Variants in SEMA3A observed in about 807,000 individuals in gnomAD.
SEMA3A encodes the protein semaphorin-3A.
A neutral mutation model predicts 97.9 loss-of-function variants in SEMA3A; 29 were observed. That is an observed-to-expected ratio of 0.30 (90% CI 0.22 to 0.40). The LOEUF is 0.40. Ranked by LOEUF, SEMA3A falls within the 10% of genes least tolerant of loss-of-function variation. The probability of loss-of-function intolerance (pLI) is 1.00; values close to 1 mark genes in which losing one functional copy is unlikely to be tolerated. For missense variants in SEMA3A, 763 were observed against 951.3 expected (o/e 0.80, Z 2.60); for synonymous variants, 321 against 323.7 (o/e 0.99, Z 0.09).
At chr7:84,022,569 A>C (rs1369689773) in intron 6 of SEMA3A, among the ~76,000 whole-genome samples, 2 of 152,234 alleles carry the variant, frequency 1.3e-5, no homozygotes, top group African/African-American at 4.8e-5. Flanking sequence ...CTCTGTTCAC[A>C]AAATGCCATC....
At chr7:83,993,792 T>A (rs1490275267) in intron 12 of SEMA3A, among the ~76,000 whole-genome samples, 1 of 127,360 alleles carries the variant, frequency 7.9e-6, no homozygotes, top group Non-Finnish European at 1.7e-5. Flanking sequence ...CAATTATGTG[T>A]CTTGGAGTTG....
At chr7:84,138,216 AT>A (rs148939831) in intron 1 of SEMA3A, among the ~76,000 whole-genome samples, 86 of 151,034 alleles carry the variant, frequency 5.7e-4, no homozygotes, top group Middle Eastern at 3.4e-3. Flanking sequence ...AACTATATAT[AT>A]TTTTTTTCTT....
chr7:84,132,946 A>G (rs113320933), intron 2 of SEMA3A, among the ~76,000 whole-genome samples: 1 of 152,090 alleles, frequency 6.6e-6, no homozygotes, highest in Admixed American at 6.5e-5. Flanking sequence ...AAATGCTGGG[A>G]TTACAGACAT....
At chr7:84,469,344 C>T (rs1205143246) in intron 1 of SEMA3A, among the ~76,000 whole-genome samples, 2 of 152,080 alleles carry the variant, frequency 1.3e-5, no homozygotes, top group African/African-American at 2.4e-5. Flanking sequence ...GATATAGTTT[C>T]CATAAGTTTT....
chr7:84,014,354 G>A lies in SEMA3A; in HGVS notation c.668-3C>T. 1.2e-6 allele frequency: 2 copies of A among 1,601,210 alleles called. No homozygotes were observed. The highest frequency in any genetic ancestry group is 1.7e-6 in the Non-Finnish European group (2 of 1,170,212). On this transcript the variant is annotated splice_region_variant and splice_polypyrimidine_tract_variant and intron_variant, in intron 6 of 16. Coordinates refer to ENST00000265362, the MANE Select transcript of SEMA3A (RefSeq NM_006080.3). ...GTGGGCACTAATGAACTTTGGATCTGAGAGACAAATAATAGCGTATATATT... is the reference window on the plus strand; with the variant it reads ...GTGGGCACTAATGAACTTTGGATCTAAGAGACAAATAATAGCGTATATATT...
At chr7:83,975,357 T>A (rs1445530220) in intron 15 of SEMA3A, among the ~76,000 whole-genome samples, 1 of 152,142 alleles carries the variant, frequency 6.6e-6, no homozygotes, top group Non-Finnish European at 1.5e-5. Flanking sequence ...TGATGGCATA[T>A]AATCAATATA....
chr7:84,024,531 G>A (rs1195592925), intron 6 of SEMA3A, among the ~76,000 whole-genome samples: 3 of 151,868 alleles, frequency 2.0e-5, no homozygotes, highest in African/African-American at 2.4e-5. Flanking sequence ...GAGCAAGAGA[G>A]GAGACTCTGT....
At chr7:84,361,078 G>A (rs611503) in intron 2 of SEMA3A, among the ~76,000 whole-genome samples, 43,490 of 151,646 alleles carry the variant, frequency 0.29, 6,667 homozygotes, top group African/African-American at 0.38. Context: ...ATGTTTTACA[G>A]CTTCAAATGC....
At chr7:84,332,540 C>G (rs1801932354) in intron 2 of SEMA3A, among the ~76,000 whole-genome samples, 1 of 152,028 alleles carries the variant, frequency 6.6e-6, no homozygotes, top group Admixed American at 6.6e-5. Context: ...AATTTAAAAT[C>G]ATCCTAATCT....
At chr7:84,051,565 C>G (rs1224806514) in intron 5 of SEMA3A, among the ~76,000 whole-genome samples, 2 of 152,242 alleles carry the variant, frequency 1.3e-5, no homozygotes, top group East Asian at 1.9e-4. Flanking sequence ...GATTTTGTAT[C>G]CTGAGACTTT....
In SEMA3A at chr7:83,997,010, G is replaced by A. The variant is rs1215666274; in HGVS notation, c.1452+4945C>T. Reference sequence around the variant, plus strand: ...GATGTAACTGAAACCACTGGAATGTGTATGATTAGTCAGGGTGTTCTTATG... The same window carrying A: ...GATGTAACTGAAACCACTGGAATGTATATGATTAGTCAGGGTGTTCTTATG... On this transcript the variant is annotated intron_variant, in intron 12 of 16. Coordinates refer to ENST00000265362, the MANE Select transcript of SEMA3A (RefSeq NM_006080.3). Among the ~76,000 whole-genome samples the A allele has an allele frequency of 2.0e-5, 3 of 152,174 alleles. No individual in the cohort carries two copies. In the East Asian group the frequency reaches 5.8e-4, roughly 29 times the overall value.
At chr7:84,326,033 TATC>T (rs775236387) in intron 2 of SEMA3A, among the ~76,000 whole-genome samples, 16 of 152,124 alleles carry the variant, frequency 1.1e-4, no homozygotes, top group Non-Finnish European at 2.1e-4. Flanking sequence ...TTATTTCACT[TATC>T]ATAATGTCTT....
chr7:84,439,811 C>T (rs1805229426), intron 1 of SEMA3A, among the ~76,000 whole-genome samples: 1 of 151,842 alleles, frequency 6.6e-6, no homozygotes, highest in Non-Finnish European at 1.5e-5. Flanking sequence ...AAAATAGAAA[C>T]AAGGCAAATG....
At chr7:84,388,023 T>C (rs1395099866) in intron 1 of SEMA3A, among the ~76,000 whole-genome samples, 3 of 152,150 alleles carry the variant, frequency 2.0e-5, no homozygotes. Flanking sequence ...AGGATAGAAG[T>C]CACCTCATTT....
At chr7:84,000,811 T>C (rs1254719578) in intron 12 of SEMA3A, among the ~76,000 whole-genome samples, 1 of 152,196 alleles carries the variant, frequency 6.6e-6, no homozygotes, top group Non-Finnish European at 1.5e-5. Context: ...CTTTCCATAT[T>C]ATACCTCATT....
chr7:84,039,250 A>T (rs1792046470), intron 6 of SEMA3A, among the ~76,000 whole-genome samples: 1 of 152,152 alleles, frequency 6.6e-6, no homozygotes, highest in African/African-American at 2.4e-5. Flanking sequence ...TTTCTTACAA[A>T]CCATAAATGT....
chr7:84,378,700 A>G (rs1480131056), intron 1 of SEMA3A, among the ~76,000 whole-genome samples: 1 of 152,178 alleles, frequency 6.6e-6, no homozygotes, highest in Non-Finnish European at 1.5e-5. Context: ...CAGAACTTAA[A>G]GTATAATGTT....
intron 12 of SEMA3A, among the ~76,000 whole-genome samples, chr7:83,996,181 G>A (rs10260669): frequency 0.16 from 23,800 of 151,754 alleles, 2,187 homozygotes; most frequent in Non-Finnish European, 0.21. Flanking sequence ...CATAAGTTAG[G>A]CTTTTATATC....
At chr7:84,402,639 A>T (rs188492751) in intron 1 of SEMA3A, among the ~76,000 whole-genome samples, 1 of 152,306 alleles carries the variant, frequency 6.6e-6, no homozygotes, top group East Asian at 1.9e-4. Context: ...TATGTACATG[A>T]TGGAATATTT....
Sources: gnomAD v4.1 joint callset for allele counts (sites outside exome capture counted in the v4.1 genomes callset) on GRCh38, gnomAD v4.1.1 for gene constraint, MANE v1.5 for transcripts, NCBI Gene and HGNC (gene_info 2026-07-23, HGNC 2026-07-21) for gene names.